The following SMG6 variants were observed in gnomAD, a reference collection of about 807,000 sequenced individuals.
SMG6 encodes telomerase-binding protein EST1A.
SMG6 carries 66 observed loss-of-function variants against 142.2 expected under a neutral mutation model. The ratio of observed to expected loss-of-function variants is 0.46; its 90% confidence interval spans 0.38 to 0.57. The LOEUF (loss-of-function observed/expected upper bound fraction) is 0.57, where lower values mean the gene tolerates loss of function less well. SMG6 is among the 20% of genes least tolerant of loss of function. The pLI, the probability that SMG6 is intolerant of heterozygous loss-of-function variation, is 0.00. For synonymous variants in SMG6, 779 were observed against 702.4 expected (o/e 1.11, Z -1.72); for missense variants, 1,793 against 1,832.0 (o/e 0.98, Z 0.39).
chr17:2,179,690 G>A (rs143010420), intron 12 of SMG6, among the ~76,000 whole-genome samples: 11 of 152,298 alleles, frequency 7.2e-5, no homozygotes, highest in African/African-American at 1.9e-4. Context: ...GCAGCCTGGT[G>A]AAACGCGGGC....
chr17:2,107,885 T>C (rs1010295719), intron 13 of SMG6, among the ~76,000 whole-genome samples: 4 of 152,072 alleles, frequency 2.6e-5, no homozygotes, highest in African/African-American at 7.2e-5. Flanking sequence ...ACAGCAGAAT[T>C]TTATTTCCAA....
intron 13 of SMG6, among the ~76,000 whole-genome samples, chr17:2,108,380 G>A (rs964117885): frequency 3.3e-5 from 5 of 152,192 alleles, no homozygotes; most frequent in Non-Finnish European, 1.5e-5. Context: ...CCTTTGAAAG[G>A]CCGAGGCGGG....
chr17:2,210,929 C>G (rs947550532), intron 10 of SMG6, among the ~76,000 whole-genome samples: 2 of 151,922 alleles, frequency 1.3e-5, no homozygotes, highest in Non-Finnish European at 2.9e-5. Flanking sequence ...CTTGAGCAAT[C>G]TGGAAGAAAT....
chr17:2,156,360 C>T (rs1394245214), intron 13 of SMG6, among the ~76,000 whole-genome samples: 1 of 114,254 alleles, frequency 8.8e-6, no homozygotes, highest in Non-Finnish European at 1.6e-5. Context: ...CACCACTGTA[C>T]TTCACCCTGG....
chr17:2,239,983 T>C (rs561338467), intron 9 of SMG6: 10 of 152,316 alleles, frequency 6.6e-5, no homozygotes, highest in Admixed American at 2.0e-4. Context: ...TCAGAGCCTA[T>C]AGGCTGCCAG....
At chr17:2,103,119 A>G (rs899809290) in intron 13 of SMG6, among the ~76,000 whole-genome samples, 13 of 152,122 alleles carry the variant, frequency 8.5e-5, no homozygotes, top group Non-Finnish European at 1.9e-4. Flanking sequence ...CATCTCTTCA[A>G]CCAACTGATT....
rs149554748 is a variant in SMG6, at chr17:2,266,684, T to C, written c.2661+15963A>G. On this transcript the variant is annotated intron_variant, in intron 8 of 18. Coordinates refer to ENST00000263073, the MANE Select transcript of SMG6 (RefSeq NM_017575.5). Reference sequence around the variant, plus strand: ...AGAGGAAAGAAACCAACCTCACATATTGAAACAAAACGGATAGGATAAAAA... The same window carrying C: ...AGAGGAAAGAAACCAACCTCACATACTGAAACAAAACGGATAGGATAAAAA... 4.3e-4 allele frequency among the ~76,000 whole-genome samples: 66 copies of C among 152,266 alleles called. 1 individual carries two copies. The highest frequency in any genetic ancestry group is 3.4e-3 in the Middle Eastern group (1 of 294).
intron 13 of SMG6, among the ~76,000 whole-genome samples, chr17:2,167,803 G>A (rs9900587): frequency 0.34 from 51,719 of 152,086 alleles, 9,362 homozygotes; most frequent in African/African-American, 0.47. Context: ...ATGAGCACTG[G>A]AGATATGTTT....
chr17:2,210,077 T>C (rs182198771), intron 10 of SMG6, among the ~76,000 whole-genome samples: 105 of 152,198 alleles, frequency 6.9e-4, no homozygotes, highest in African/African-American at 2.4e-3. Context: ...CTCAGCCCCT[T>C]TGACCCAATT....
intron 9 of SMG6, among the ~76,000 whole-genome samples, chr17:2,241,198 A>G (rs903563694): frequency 6.6e-6 from 1 of 152,238 alleles, no homozygotes; most frequent in Non-Finnish European, 1.5e-5. Flanking sequence ...ACAACAGAAT[A>G]TGTTATATGC....
At chr17:2,201,226 C>T (rs1307851749) in intron 10 of SMG6, among the ~76,000 whole-genome samples, 1 of 152,040 alleles carries the variant, frequency 6.6e-6, no homozygotes, top group Non-Finnish European at 1.5e-5. Context: ...ATATGGATGG[C>T]AAGTAGGTAC....
At position 2,068,111 on chromosome 17, in the gene SMG6, G is replaced by A. The variant is rs1010466432; in HGVS notation, c.3835+667C>T. On this transcript the variant is annotated intron_variant, in intron 16 of 18. Transcript: ENST00000263073. This position sits in a 1 kb window ranked among gnomAD's most constrained non-coding sequence, Gnocchi z 6.7. ...CTCCAAGAACTAAGGGTACCCAGAC[G>A]GTCCCGTGGAGACGGCCCAGCTGGG... Among the ~76,000 whole-genome samples, 1 of 152,184 alleles carries A rather than the reference G, an allele frequency of 6.6e-6. No individual in the cohort carries two copies. Among genetic ancestry groups the A allele is most frequent in the African/African-American group, 2.4e-5 (1 of 41,432 alleles).
intron 10 of SMG6, chr17:2,214,453 G>A (rs756033734): frequency 6.6e-6 from 1 of 151,664 alleles, no homozygotes; most frequent in East Asian, 1.9e-4. Flanking sequence ...CGAGGTGGAC[G>A]GCAACGGCTT....
intron 14 of SMG6, among the ~76,000 whole-genome samples, chr17:2,082,889 G>C (rs572322008): frequency 4.6e-5 from 7 of 152,314 alleles, no homozygotes; most frequent in Non-Finnish European, 7.4e-5. Flanking sequence ...ATCACTTACT[G>C]AGTGCTTATT....
intron 18 of SMG6, among the ~76,000 whole-genome samples, chr17:2,063,545 T>C (rs1007460853): frequency 6.6e-6 from 1 of 152,164 alleles, no homozygotes; most frequent in Non-Finnish European, 1.5e-5. Flanking sequence ...AATGTGTCCG[T>C]TCTGAGAAAG....
At chr17:2,277,338 T>C (rs2074683148) in intron 8 of SMG6, among the ~76,000 whole-genome samples, 1 of 151,872 alleles carries the variant, frequency 6.6e-6, no homozygotes, top group Non-Finnish European at 1.5e-5. Context: ...GGCTAACTTT[T>C]TGTATTTTTA....
chr17:2,279,227 C>T (rs970499590), intron 8 of SMG6, among the ~76,000 whole-genome samples: 7 of 152,068 alleles, frequency 4.6e-5, no homozygotes, highest in African/African-American at 1.7e-4. Flanking sequence ...GAGGTAAGAG[C>T]GGTGCGGGCA....
chr17:2,298,262 A>G (rs1223645712), intron 2 of SMG6, among the ~76,000 whole-genome samples: 1 of 152,206 alleles, frequency 6.6e-6, no homozygotes, highest in Non-Finnish European at 1.5e-5. Flanking sequence ...GTTTTTCCCC[A>G]TATGTCTTCA....
chr17:2,230,071 A>G (rs199791002), intron 10 of SMG6, among the ~76,000 whole-genome samples: 1 of 151,124 alleles, frequency 6.6e-6, no homozygotes, highest in Admixed American at 6.6e-5. Flanking sequence ...CTGTAATCCC[A>G]GCTACTCGGG....
Sources: allele counts gnomAD v4.1 joint callset (sites outside exome capture counted in the v4.1 genomes callset), GRCh38; gene constraint gnomAD v4.1.1; non-coding constraint Gnocchi (gnomAD v3.1); transcripts MANE v1.5; gene names NCBI Gene and HGNC (gene_info 2026-07-23, HGNC 2026-07-21).